Variants in STK35 observed in about 807,000 individuals in gnomAD.
STK35 encodes serine/threonine kinase 35.
In STK35, 17 loss-of-function variants were observed where a neutral mutation model predicts 37.3. That is an observed-to-expected ratio of 0.46 (90% CI 0.31 to 0.68). STK35 has a LOEUF of 0.68. Among genes scored for constraint, STK35 ranks in the 30% least tolerant of loss-of-function variants. The pLI is 0.05. For missense variants in STK35, 595 were observed against 746.7 expected, an observed-to-expected ratio of 0.80 and a Z score of 2.37; for synonymous variants, 385 against 319.1, an observed-to-expected ratio of 1.21 and a Z score of -2.20.
At chr20:2,109,070 G>T (rs1985569687) in intron 2 of STK35, among the ~76,000 whole-genome samples, 1 of 152,162 alleles carries the variant, frequency 6.6e-6, no homozygotes, top group African/African-American at 2.4e-5. Flanking sequence ...TGTGCATGTG[G>T]TATACTGTGG....
At chr20:2,109,200 G>A (rs1205126712) in intron 2 of STK35, among the ~76,000 whole-genome samples, 1 of 152,188 alleles carries the variant, frequency 6.6e-6, no homozygotes, top group African/African-American at 2.4e-5. Flanking sequence ...TGAATCAGCT[G>A]CCAGGAATGT....
intron 3 of STK35, among the ~76,000 whole-genome samples, chr20:2,141,934 A>C (rs1027328785): frequency 6.6e-6 from 1 of 152,200 alleles, no homozygotes; most frequent in Non-Finnish European, 1.5e-5. Context: ...TTATCCATAA[A>C]GTTCTTTTCA....
intron 2 of STK35, among the ~76,000 whole-genome samples, chr20:2,111,833 C>T (rs1470813232): frequency 3.3e-5 from 5 of 152,240 alleles, no homozygotes; most frequent in Non-Finnish European, 7.3e-5. Context: ...CCAGACTACT[C>T]GTGTCCCTGG....
chr20:2,142,836 G>A (rs1045806651), intron 3 of STK35, among the ~76,000 whole-genome samples: 5 of 152,210 alleles, frequency 3.3e-5, no homozygotes, highest in African/African-American at 7.2e-5. Flanking sequence ...CCAGGACAGC[G>A]CTATACTTAG....
At chr20:2,123,973 A>G (rs1985862846) in intron 3 of STK35, among the ~76,000 whole-genome samples, 1 of 152,214 alleles carries the variant, frequency 6.6e-6, no homozygotes, top group Non-Finnish European at 1.5e-5. Flanking sequence ...TGAGTGCTTT[A>G]TGACTGATAA....
Position 2,128,155 on chromosome 20 carries a change from G to A in STK35, c.*37+10740G>A, listed in dbSNP as rs145214638. Among the ~76,000 whole-genome samples, 363 of 152,240 alleles carry A rather than the reference G, an allele frequency of 2.4e-3. 2 individuals are homozygous for A. The highest frequency in any genetic ancestry group is 8.0e-3 in the African/African-American group (331 of 41,526). On this transcript the variant is annotated intron_variant, in intron 3 of 3. Coordinates refer to ENST00000381482, the MANE Select transcript of STK35 (RefSeq NM_080836.4). ...CTACTGAGTTGGAAACTGGGGAGTG[G>A]TATTGTATCAGCTCTCCAGGTGATG...
At chr20:2,143,283 A>G (rs899932352) in intron 3 of STK35, among the ~76,000 whole-genome samples, 4 of 152,196 alleles carry the variant, frequency 2.6e-5, no homozygotes, top group African/African-American at 7.2e-5. Flanking sequence ...TCGGATTCTC[A>G]GAGGCCTGAG....
Position 2,102,960 on chromosome 20 carries a change from A to G in STK35, c.487A>G (p.Lys163Glu), listed in dbSNP as rs751369005. The change falls in exon 2 of 4, where the codon AAG becomes GAG. Residue 163 changes from lysine (K) to glutamate (E), a missense_variant. By Grantham distance (56) the Lys-to-Glu change is moderately conservative. Transcript: ENST00000381482. ...RSPVPRAPST[K>E]LRPAAAARAM... is the part of the protein sequence containing the mutation. ...CCCAGTGCCGCGGGCGCCCAGCACG[A>G]AGCTGAGGCCGGCGGCGGCGGCCCG... The G allele has an allele frequency of 9.6e-6, 14 of 1,459,410 alleles. No individual in the cohort carries two copies. The South Asian group carries it at 1.9e-4, about 19-fold the overall frequency. 90.4% of individuals were successfully genotyped at this position (1,459,410 alleles called of 1,614,324 possible).
At chr20:2,121,970 C>T (rs1035677205) in intron 3 of STK35, among the ~76,000 whole-genome samples, 2 of 152,196 alleles carry the variant, frequency 1.3e-5, no homozygotes, top group Non-Finnish European at 2.9e-5. Context: ...AGCCTCTTTA[C>T]ATTTTTGAAT....
At chr20:2,121,443 G>A (rs1985815109) in intron 3 of STK35, among the ~76,000 whole-genome samples, 1 of 152,172 alleles carries the variant, frequency 6.6e-6, no homozygotes, top group Admixed American at 6.5e-5. Context: ...GTGATGGGAA[G>A]AATAGAGCTG....
chr20:2,142,748 C>A (rs969347175), intron 3 of STK35, among the ~76,000 whole-genome samples: 1 of 152,168 alleles, frequency 6.6e-6, no homozygotes, highest in South Asian at 2.1e-4. Flanking sequence ...CAGAGCAAGA[C>A]CCTGTCTCAA....
At chr20:2,102,649 T>G (rs1985417723) in intron 1 of STK35, 119 bp from the exon 2 acceptor site, 1 of 929,646 alleles carries the variant, frequency 1.1e-6, no homozygotes, top group Admixed American at 4.1e-5. Flanking sequence ...TCAGCGGCGG[T>G]GGCTTCCGTC....
At chr20:2,121,179 C>T (rs1985810257) in intron 3 of STK35, among the ~76,000 whole-genome samples, 1 of 152,156 alleles carries the variant, frequency 6.6e-6, no homozygotes, top group Non-Finnish European at 1.5e-5. Context: ...GATGGAAAGC[C>T]ATGGGGATGT....
At chr20:2,115,225 A>G (rs1328423342) in intron 2 of STK35, among the ~76,000 whole-genome samples, 1 of 152,218 alleles carries the variant, frequency 6.6e-6, no homozygotes. Context: ...GGCTGAACCC[A>G]GAACTCTCAG....
intron 3 of STK35, among the ~76,000 whole-genome samples, chr20:2,136,167 C>T (rs547513261): frequency 1.8e-4 from 28 of 152,318 alleles, no homozygotes; most frequent in African/African-American, 5.3e-4. Flanking sequence ...AACCCCTCCA[C>T]GTGAAACAGA....
intron 3 of STK35, among the ~76,000 whole-genome samples, chr20:2,128,990 A>G (rs1358120856): frequency 1.3e-5 from 2 of 151,946 alleles, no homozygotes; most frequent in Non-Finnish European, 2.9e-5. Context: ...ACGCCCAGCT[A>G]ATTTTCATAT....
chr20:2,112,641 G>GT (rs1357260741), intron 2 of STK35, among the ~76,000 whole-genome samples: 1 of 152,066 alleles, frequency 6.6e-6, no homozygotes, highest in Non-Finnish European at 1.5e-5. Context: ...CTCAGCCTTA[G>GT]TTGCCCCACC....
rs1382489286 is a variant in STK35 at position 2,143,828 on chromosome 20, G to A, written c.*82G>A. The A allele has an allele frequency of 2.4e-6, 1 of 417,054 alleles. No individual in the cohort carries two copies. Among genetic ancestry groups the A allele is most frequent in the South Asian group, 1.7e-5 (1 of 58,032 alleles). 25.8% of individuals were successfully genotyped at this position (417,054 alleles called of 1,614,324 possible). On this transcript the variant is annotated 3_prime_UTR_variant, in exon 4 of 4. Coordinates refer to ENST00000381482, the MANE Select transcript of STK35 (RefSeq NM_080836.4). ...CAGTCTCACCACGTCTCCTCCAGAG[G>A]ACGGCAGAGGGTACAGGTGGTGGCC...
intron 3 of STK35, among the ~76,000 whole-genome samples, chr20:2,134,312 C>G (rs1046646566): frequency 6.6e-6 from 1 of 150,578 alleles, no homozygotes; most frequent in Non-Finnish European, 1.5e-5. Flanking sequence ...TAGAAACTTT[C>G]AAGGAGGAGG....
Sources: gnomAD v4.1 joint callset for allele counts (sites outside exome capture counted in the v4.1 genomes callset) on GRCh38, gnomAD v4.1.1 for gene constraint, MANE v1.5 for transcripts, NCBI Gene and HGNC (gene_info 2026-07-23, HGNC 2026-07-21) for gene names.